Variants in GLCCI1 observed in about 807,000 individuals in gnomAD.
The protein encoded by GLCCI1 is glucocorticoid induced 1.
Under a neutral mutation model 52.2 loss-of-function variants are expected in GLCCI1, and 24 were observed. The observed-to-expected ratio is 0.46, with a 90% CI of 0.33 to 0.65. The LOEUF (loss-of-function observed/expected upper bound fraction) is 0.65. Among genes scored for constraint, GLCCI1 ranks in the 30% least tolerant of loss-of-function variants. The pLI is 0.02. For missense variants in GLCCI1, 704 were observed against 701.5 expected (o/e 1.00, Z -0.04); for synonymous variants, 310 against 276.5 (o/e 1.12, Z -1.20).
rs569874483 is a variant in GLCCI1 at position 8,041,576 on chromosome 7, ACT to A, written c.697-13852_697-13851del. On this transcript the variant is annotated intron_variant, in intron 3 of 7. Coordinates refer to ENST00000223145, the MANE Select transcript of GLCCI1 (RefSeq NM_138426.4). ...CTTCAAAGCTTTAAAGGACAGGCTG[ACT>A]CTCTTGTTAGGAGCTTGCTTTTTTT... is the stretch of plus-strand genomic sequence containing the variant. 8.6e-4 allele frequency among the ~76,000 whole-genome samples: 131 copies of A among 152,058 alleles called. 1 individual carries two copies. The highest frequency in any genetic ancestry group is 2.9e-3 in the African/African-American group (120 of 41,486).
intron 7 of GLCCI1, among the ~76,000 whole-genome samples, chr7:8,085,834 T>G (rs984905803): frequency 6.6e-6 from 1 of 152,340 alleles, no homozygotes; most frequent in East Asian, 1.9e-4. Context: ...GAATGCCCCC[T>G]GCCTCTGGTA....
At chr7:8,021,813 A>G (rs761281598) in intron 2 of GLCCI1, among the ~76,000 whole-genome samples, 1 of 152,212 alleles carries the variant, frequency 6.6e-6, no homozygotes, top group Non-Finnish European at 1.5e-5. Flanking sequence ...TAATGGCTAA[A>G]TAACTGAAAA....
Position 8,086,203 on chromosome 7 carries a change from C to G in GLCCI1, c.1309C>G (p.Pro437Ala). Residue 437 changes from proline (P) to alanine (A), a missense_variant, in exon 8 of 8, where the codon CCT (proline) becomes GCT (alanine). Around this residue, in one of 3 missense-constraint regions of GLCCI1, gnomAD observed 149 missense variants for 152.9 expected, o/e 0.97. Transcript: ENST00000223145. This position sits in a 1 kb window ranked among gnomAD's most constrained non-coding sequence, Gnocchi z 4.4. ...KVFEEMASRQPISAPLFSCPD... is the reference protein window; with the variant it reads ...KVFEEMASRQAISAPLFSCPD... Reference sequence around the variant, plus strand: ...GTTTTATGGTTTTAGGTCTCGTCAGCCTATCTCGGCCCCTCTCTTTTCATG... The same window carrying G: ...GTTTTATGGTTTTAGGTCTCGTCAGGCTATCTCGGCCCCTCTCTTTTCATG... The G allele has an allele frequency of 3.1e-6, 5 of 1,611,312 alleles. No individual in the cohort carries two copies. Among genetic ancestry groups the G allele is most frequent in the Non-Finnish European group, 4.2e-6 (5 of 1,179,056 alleles).
At chr7:7,999,895 C>A (rs991671406) in intron 1 of GLCCI1, among the ~76,000 whole-genome samples, 3 of 152,080 alleles carry the variant, frequency 2.0e-5, no homozygotes, top group Admixed American at 2.0e-4. Flanking sequence ...CAGAACTAGA[C>A]CGTCTGTAGA....
intron 3 of GLCCI1, among the ~76,000 whole-genome samples, chr7:8,025,541 G>GA (rs904061963): frequency 9.3e-5 from 14 of 150,922 alleles, no homozygotes; most frequent in East Asian, 5.8e-4. Flanking sequence ...GAACAGAGAG[G>GA]AAAAAAAAAT....
rs1309483245 is a variant in GLCCI1 at position 8,003,949 on chromosome 7, A to G, written c.499A>G (p.Ile167Val). ...TCAGCAAGTTCGGACCTCTAGTACA[A>G]TAAGGCGAACCTCCTCTTTGGATAC... ...KSQQVRTSST[I>V]RRTSSLDTIT... is the part of the protein sequence containing the mutation. Residue 167 changes from isoleucine to valine, a missense_variant, in exon 2 of 8, where the codon ATA becomes GTA. Physicochemically the swap from Ile to Val is conservative, Grantham distance 29. Coordinates refer to ENST00000223145, the MANE Select transcript of GLCCI1 (RefSeq NM_138426.4). 5 of 1,613,826 alleles carry G rather than the reference A, an allele frequency of 3.1e-6. No homozygotes were observed. The highest frequency in any genetic ancestry group is 4.2e-6 in the Non-Finnish European group (5 of 1,179,816).
In GLCCI1 at chr7:7,969,781, G is replaced by C; in HGVS notation, c.431G>C (p.Arg144Pro). Residue 144 changes from arginine (R) to proline (P), a missense_variant, in exon 1 of 8, where the codon CGG (arginine) becomes CCG (proline). By Grantham distance (103) the Arg-to-Pro change is moderately radical. Coordinates refer to ENST00000223145, the MANE Select transcript of GLCCI1 (RefSeq NM_138426.4). The surrounding 1 kb of genome is among the most constrained non-coding windows in gnomAD (Gnocchi z 4.9). ...SHRRSSSPER[R>P]SPGSPVCRAD... ...CGGAGGAGCAGCTCACCTGAGAGAC[G>C]GAGCCCCGGCTCGCCCGTGTGCAGA... is the stretch of plus-strand genomic sequence containing the variant. 5.4e-6 allele frequency: 8 copies of C among 1,483,878 alleles called. No individual in the cohort carries two copies. The highest frequency in any genetic ancestry group is 7.1e-6 in the Non-Finnish European group (8 of 1,121,326). The allele number at this position is 1,483,878 out of a possible 1,614,324, so 91.9% of individuals were successfully genotyped here. A position where few individuals can be genotyped will look rare whatever the true frequency, so the allele number is the denominator to read the frequency against.
chr7:8,012,559 C>T (rs1226036105), intron 2 of GLCCI1, among the ~76,000 whole-genome samples: 2 of 150,298 alleles, frequency 1.3e-5, no homozygotes, highest in African/African-American at 4.9e-5. Context: ...ATTCTCCTGC[C>T]TCAGCCTCCC....
At chr7:8,051,642 C>T (rs111673423) in intron 3 of GLCCI1, among the ~76,000 whole-genome samples, 21 of 152,192 alleles carry the variant, frequency 1.4e-4, no homozygotes, top group South Asian at 4.1e-4. Flanking sequence ...AGTTGTTTCA[C>T]GTCTTAGTCA....
intron 1 of GLCCI1, among the ~76,000 whole-genome samples, chr7:7,984,170 C>T (rs1437823771): frequency 1.3e-5 from 2 of 152,164 alleles, no homozygotes; most frequent in East Asian, 1.9e-4. Context: ...CAGCAATCCT[C>T]CCATTTTAGC....
intron 6 of GLCCI1, among the ~76,000 whole-genome samples, chr7:8,077,468 A>G (rs1782898041): frequency 6.6e-6 from 1 of 152,200 alleles, no homozygotes; most frequent in Non-Finnish European, 1.5e-5. Flanking sequence ...AGTGAAACAG[A>G]TAGCATAACA....
intron 1 of GLCCI1, among the ~76,000 whole-genome samples, chr7:7,970,858 C>G (rs1439427790): frequency 6.6e-6 from 1 of 151,836 alleles, no homozygotes; most frequent in Non-Finnish European, 1.5e-5. Context: ...GGGAACAGAT[C>G]ATACTGGGTG....
rs370235105 is a variant in GLCCI1, at chr7:7,989,477, G to T, written c.458-14431G>T. 4.6e-5 allele frequency among the ~76,000 whole-genome samples: 7 copies of T among 152,000 alleles called. No individual in the cohort carries two copies. In the East Asian group the frequency reaches 9.6e-4, roughly 21 times the overall value. ...TGACAATTGGACCTGAATTCAAGTT[G>T]TTTTTTTCACTGTCTTGTACTTTAT... On this transcript the variant is annotated intron_variant, in intron 1 of 7. Coordinates refer to ENST00000223145, the MANE Select transcript of GLCCI1 (RefSeq NM_138426.4).
At chr7:8,028,289 C>T (rs1224454624) in intron 3 of GLCCI1, among the ~76,000 whole-genome samples, 1 of 152,030 alleles carries the variant, frequency 6.6e-6, no homozygotes, top group Admixed American at 6.6e-5. Context: ...AATAAAACTA[C>T]AAATCAATAA....
chr7:8,040,838 G>C (rs1781980453), intron 3 of GLCCI1, among the ~76,000 whole-genome samples: 1 of 152,156 alleles, frequency 6.6e-6, no homozygotes, highest in Non-Finnish European at 1.5e-5. Context: ...GTATGCATGT[G>C]CTTTGCTTCA....
rs58360790 is a variant in GLCCI1, at chr7:8,088,240, TTGTGTGTGTGTG to T, written c.*1722_*1733del. ...AGAAATGATATATATATGTATATGT[TTGTGTGTGTGTG>T]TGTGTGTGTGTGTGTGTGTATTCTG... is the stretch of plus-strand genomic sequence containing the variant. On this transcript the variant is annotated 3_prime_UTR_variant, in exon 8 of 8. Transcript: ENST00000223145. The T allele has an allele frequency of 2.4e-4, 36 of 147,464 alleles. No homozygotes were observed. Among genetic ancestry groups the T allele is most frequent in the Admixed American group, 5.4e-4 (8 of 14,706 alleles). The allele number at this position is 147,464 out of a possible 1,614,324, so 9.1% of individuals were successfully genotyped here.
intron 6 of GLCCI1, among the ~76,000 whole-genome samples, chr7:8,074,961 G>A (rs1265779209): frequency 6.6e-6 from 1 of 152,056 alleles, no homozygotes; most frequent in Non-Finnish European, 1.5e-5. Flanking sequence ...GAGGGGAGAG[G>A]GATAGCTGCA....
chr7:7,974,300 T>C (rs1247706091), intron 1 of GLCCI1, among the ~76,000 whole-genome samples: 1 of 152,188 alleles, frequency 6.6e-6, no homozygotes. Flanking sequence ...AAAGATTATA[T>C]TCCTCTCAAA....
At chr7:8,084,651 CA>C (rs1783065648) in intron 6 of GLCCI1, 1 of 397,304 alleles carries the variant, frequency 2.5e-6, no homozygotes, top group Non-Finnish European at 4.5e-6. Flanking sequence ...CTGTTGTATT[CA>C]AAATGCAGTT....
Sources: allele counts gnomAD v4.1 joint callset (sites outside exome capture counted in the v4.1 genomes callset), GRCh38; gene constraint gnomAD v4.1.1; regional missense constraint gnomAD v4.1.1; non-coding constraint Gnocchi (gnomAD v3.1); transcripts MANE v1.5; gene names NCBI Gene and HGNC (gene_info 2026-07-23, HGNC 2026-07-21).